Variants in UTRN observed in about 807,000 individuals in gnomAD.
UTRN encodes the protein utrophin, also known as dystrophin-related protein 1.
In UTRN, 283 loss-of-function variants were observed where a neutral mutation model predicts 463.9. The ratio of observed to expected loss-of-function variants is 0.61; its 90% CI spans 0.55 to 0.67. The LOEUF is 0.67. UTRN is among the 30% of genes least tolerant of loss of function. The pLI is 0.00. For synonymous variants in UTRN, 1,442 were observed against 1,431.5 expected (o/e 1.01, Z -0.17); for missense variants, 3,922 against 4,084.3 (o/e 0.96, Z 1.08).
chr6:144,667,212 A>G (rs1780507951), intron 51 of UTRN, among the ~76,000 whole-genome samples: 1 of 151,834 alleles, frequency 6.6e-6, no homozygotes, highest in Non-Finnish European at 1.5e-5. Context: ...GCACCACCAC[A>G]CCCAGCTAAT....
chr6:144,392,210 C>A lies in UTRN; in HGVS notation c.80-10913C>A, dbSNP rs529340163. ...TAAATAGTACATATTACTAAAAATT[C>A]ATTTTACCTGTTTTTTAATGCGGCT... is the stretch of plus-strand genomic sequence containing the variant. On this transcript the variant is annotated intron_variant, in intron 2 of 74. Coordinates refer to ENST00000367545, the MANE Select transcript of UTRN (RefSeq NM_007124.3). Among the ~76,000 whole-genome samples the A allele has an allele frequency of 4.6e-5, 7 of 152,246 alleles. No individual in the cohort carries two copies. The East Asian group carries it at 1.3e-3, about 29-fold the overall frequency.
chr6:144,437,783 G>C, intron 11 of UTRN, 37 bp downstream of exon 11: 1 of 1,586,618 alleles, frequency 6.3e-7, no homozygotes, highest in Non-Finnish European at 8.6e-7. Flanking sequence ...TAATTCCACA[G>C]GCTGCTTTGC....
At chr6:144,437,886 T>C (rs945115823) in intron 11 of UTRN, 140 bp downstream of exon 11, 7 of 797,522 alleles carry the variant, frequency 8.8e-6, no homozygotes, top group Non-Finnish European at 1.3e-5. Flanking sequence ...CTACGGGTAA[T>C]ATTGCTGGAA....
At chr6:144,591,809 T>C (rs1018494411) in intron 51 of UTRN, among the ~76,000 whole-genome samples, 38 of 152,200 alleles carry the variant, frequency 2.5e-4, no homozygotes, top group African/African-American at 8.7e-4. Context: ...AAAAAAGTTC[T>C]TGATTCTTGG....
At chr6:144,293,167 G>A (rs752195314) in intron 2 of UTRN, among the ~76,000 whole-genome samples, 1 of 152,004 alleles carries the variant, frequency 6.6e-6, no homozygotes, top group Non-Finnish European at 1.5e-5. Context: ...TTAGGAGTAC[G>A]GAATACATAT....
intron 23 of UTRN, among the ~76,000 whole-genome samples, chr6:144,465,034 G>T (rs548203767): frequency 6.6e-6 from 1 of 152,230 alleles, no homozygotes; most frequent in African/African-American, 2.4e-5. Flanking sequence ...GTGGGTAGAG[G>T]CCAGGGATGC....
At chr6:144,754,197 T>A (rs1791728242) in intron 56 of UTRN, among the ~76,000 whole-genome samples, 1 of 152,150 alleles carries the variant, frequency 6.6e-6, no homozygotes, top group Non-Finnish European at 1.5e-5. Flanking sequence ...TAACACTTTT[T>A]ACCATCTTCC....
At chr6:144,757,491 C>T (rs183336213) in intron 57 of UTRN, among the ~76,000 whole-genome samples, 20 of 152,080 alleles carry the variant, frequency 1.3e-4, no homozygotes, top group East Asian at 3.9e-4. Flanking sequence ...CCTGTGACTA[C>T]GATGCAAAGT....
At chr6:144,407,194 CT>C (rs1783496049) in intron 3 of UTRN, among the ~76,000 whole-genome samples, 1 of 152,056 alleles carries the variant, frequency 6.6e-6, no homozygotes. Flanking sequence ...GGTGCAGGGA[CT>C]TTCTATTTGC....
chr6:144,607,624 C>G (rs746628086), intron 51 of UTRN, among the ~76,000 whole-genome samples: 6 of 152,246 alleles, frequency 3.9e-5, no homozygotes, highest in Non-Finnish European at 7.3e-5. Flanking sequence ...ATGACATTAT[C>G]CTGGTGGGCT....
intron 2 of UTRN, among the ~76,000 whole-genome samples, chr6:144,308,786 A>G (rs184031897): frequency 7.9e-5 from 12 of 152,250 alleles, no homozygotes; most frequent in Non-Finnish European, 1.3e-4. Context: ...CCTTTAGTGG[A>G]TCCGCTTACA....
intron 2 of UTRN, among the ~76,000 whole-genome samples, chr6:144,388,330 T>C (rs1183072123): frequency 6.6e-6 from 1 of 152,008 alleles, no homozygotes; most frequent in Non-Finnish European, 1.5e-5. Flanking sequence ...TGTTTTTTTT[T>C]AGAGACAGGG....
In UTRN at chr6:144,851,152, A is replaced by G. The variant is rs1298840912; in HGVS notation, c.*155A>G. 2 of 907,780 alleles carry G rather than the reference A, an allele frequency of 2.2e-6. No homozygotes were observed. The highest frequency in any genetic ancestry group is 3.6e-6 in the Non-Finnish European group (2 of 559,332). 56.2% of individuals were successfully genotyped at this position (907,780 alleles called of 1,614,324 possible). ...GTTCTACTGAAAGAGTAAAACACTG[A>G]CTATCCAAAGAGAAATGGATATTTT... On this transcript the variant is annotated 3_prime_UTR_variant, in exon 75 of 75. Transcript: ENST00000367545.
chr6:144,761,353 G>A (rs1010223970), intron 58 of UTRN, among the ~76,000 whole-genome samples: 1 of 152,002 alleles, frequency 6.6e-6, no homozygotes, highest in Non-Finnish European at 1.5e-5. Flanking sequence ...TGTATTCAGG[G>A]TTTAAGAACA....
intron 59 of UTRN, 56 bp downstream of exon 59, chr6:144,772,024 T>A: frequency 1.2e-6 from 1 of 841,316 alleles, no homozygotes; most frequent in Non-Finnish European, 1.5e-6. Context: ...CGGTTTTTTT[T>A]TTTTTTTTTT....
At chr6:144,376,631 AGATTTCTAGAATTTTTCTAGAAT>A (rs1230909365) in intron 2 of UTRN, among the ~76,000 whole-genome samples, 1 of 152,074 alleles carries the variant, frequency 6.6e-6, no homozygotes, top group East Asian at 1.9e-4. Context: ...TTTTCTAGAA[AGATTTCTAGAATTTTTCTAGAAT>A]GATTATTGTA....
At chr6:144,298,506 T>C (rs947634448) in intron 2 of UTRN, among the ~76,000 whole-genome samples, 6 of 152,186 alleles carry the variant, frequency 3.9e-5, no homozygotes, top group Non-Finnish European at 7.3e-5. Flanking sequence ...GGGAAATGTC[T>C]GTGTATGCGC....
chr6:144,641,008 A>G lies in UTRN; in HGVS notation c.7480-37398A>G, dbSNP rs113340846. On this transcript the variant is annotated intron_variant, in intron 51 of 74. Transcript: ENST00000367545. Reference sequence around the variant, plus strand: ...TAGTACAAACTGTGCACTAGATTGTATCTTAGGGTTCCTAACTCATTCTTA... The same window carrying G: ...TAGTACAAACTGTGCACTAGATTGTGTCTTAGGGTTCCTAACTCATTCTTA... Among the ~76,000 whole-genome samples, 506 of 152,298 alleles carry G rather than the reference A, an allele frequency of 3.3e-3. 4 individuals carry two copies. Among genetic ancestry groups the G allele is most frequent in the African/African-American group, 0.011 (474 of 41,562 alleles).
chr6:144,610,638 G>A (rs969679052), intron 51 of UTRN, among the ~76,000 whole-genome samples: 2 of 152,120 alleles, frequency 1.3e-5, no homozygotes, highest in Non-Finnish European at 2.9e-5. Flanking sequence ...ACTTTGGGAG[G>A]CCAAGGTGGG....
Sources: gnomAD v4.1 joint callset for allele counts (sites outside exome capture counted in the v4.1 genomes callset) on GRCh38, gnomAD v4.1.1 for gene constraint, MANE v1.5 for transcripts, NCBI Gene and HGNC (gene_info 2026-07-23, HGNC 2026-07-21) for gene names.